Variants in GALNTL6 observed in about 807,000 individuals in gnomAD.
The protein encoded by GALNTL6 is polypeptide N-acetylgalactosaminyltransferase like 6, also known as polypeptide N-acetylgalactosaminyltransferase-like 6.
In GALNTL6, 46 loss-of-function variants were observed where a neutral mutation model predicts 73.7. That is an observed-to-expected ratio of 0.62 (90% CI 0.49 to 0.80). GALNTL6 has a LOEUF of 0.80. GALNTL6 is among the 30% of genes least tolerant of loss of function. The pLI, the probability that GALNTL6 is intolerant of heterozygous loss-of-function variation, is 0.00. For synonymous variants in GALNTL6, 259 were observed against 263.7 expected (o/e 0.98, Z 0.17); for missense variants, 604 against 755.0 (o/e 0.80, Z 2.34).
chr4:172,406,501 T>C (rs945653963), intron 5 of GALNTL6, among the ~76,000 whole-genome samples: 17 of 152,002 alleles, frequency 1.1e-4, no homozygotes, highest in Non-Finnish European at 2.5e-4. Context: ...ACTAATGGCT[T>C]TAGTCTATTA....
rs550620602 is a variant in GALNTL6 at position 172,921,432 on chromosome 4, T to C, written c.1042-9729T>C. On this transcript the variant is annotated intron_variant, in intron 8 of 12. Transcript: ENST00000506823. ...TCCAAATTTCAGGTTGTGGCTGATATAGAAAATTGTTTTAAAAATAAGACA... is the reference window on the plus strand; with the variant it reads ...TCCAAATTTCAGGTTGTGGCTGATACAGAAAATTGTTTTAAAAATAAGACA... 2.0e-5 allele frequency among the ~76,000 whole-genome samples: 3 copies of C among 152,308 alleles called. No homozygotes were observed. The South Asian group carries it at 6.2e-4, about 32-fold the overall frequency.
intron 7 of GALNTL6, among the ~76,000 whole-genome samples, chr4:172,868,608 A>T (rs1744775586): frequency 6.6e-6 from 1 of 152,168 alleles, no homozygotes; most frequent in Non-Finnish European, 1.5e-5. Context: ...TTATCTAGCT[A>T]TTTCACTGGT....
chr4:172,630,165 T>C (rs557826322), intron 5 of GALNTL6, among the ~76,000 whole-genome samples: 1 of 152,318 alleles, frequency 6.6e-6, no homozygotes, highest in South Asian at 2.1e-4. Context: ...TTCATTACTG[T>C]CAGTCTTCTG....
At chr4:171,880,712 A>G (rs1476840247) in intron 2 of GALNTL6, among the ~76,000 whole-genome samples, 1 of 152,194 alleles carries the variant, frequency 6.6e-6, no homozygotes, top group Non-Finnish European at 1.5e-5. Flanking sequence ...TTATTTACAG[A>G]ACTCAGTAAA....
chr4:172,023,202 G>A (rs915261501), intron 2 of GALNTL6, among the ~76,000 whole-genome samples: 3 of 151,690 alleles, frequency 2.0e-5, no homozygotes, highest in African/African-American at 7.3e-5. Context: ...TTGGTCAACT[G>A]TCCTCCTTCC....
intron 2 of GALNTL6, among the ~76,000 whole-genome samples, chr4:171,974,932 G>A (rs1739675975): frequency 1.3e-5 from 2 of 152,138 alleles, no homozygotes. Flanking sequence ...TACACTAATA[G>A]TCTCTCACGG....
chr4:172,287,898 TATAA>T (rs1383216441), intron 3 of GALNTL6, among the ~76,000 whole-genome samples: 1 of 152,078 alleles, frequency 6.6e-6, no homozygotes, highest in Non-Finnish European at 1.5e-5. Context: ...AATGAAAAAC[TATAA>T]ATAAATGAAA....
chr4:172,169,151 TGAA>T (rs1452775442), intron 2 of GALNTL6, among the ~76,000 whole-genome samples: 3 of 151,698 alleles, frequency 2.0e-5, no homozygotes, highest in Non-Finnish European at 2.9e-5. Flanking sequence ...CGTGTAGGAC[TGAA>T]GAAGTAAACA....
At position 172,170,709 on chromosome 4, in the gene GALNTL6, C is replaced by T. The variant is rs1734789493; in HGVS notation, c.139-58947C>T. Among the ~76,000 whole-genome samples, 3 of 151,988 alleles carry T rather than the reference C, an allele frequency of 2.0e-5. No homozygotes were observed. The South Asian group carries it at 6.2e-4, about 32-fold the overall frequency. On this transcript the variant is annotated intron_variant, in intron 2 of 12. Coordinates refer to ENST00000506823, the MANE Select transcript of GALNTL6 (RefSeq NM_001034845.3). ...TATTTTTTGTACAGAGGGGCTTGCA[C>T]CATGTTGGCCAGGCTGGTTTTGAAC...
chr4:172,896,336 C>G (rs1322362208), intron 8 of GALNTL6, among the ~76,000 whole-genome samples: 1 of 152,184 alleles, frequency 6.6e-6, no homozygotes, highest in Non-Finnish European at 1.5e-5. Context: ...ATCACTGCAG[C>G]CATTTCAGCA....
intron 8 of GALNTL6, among the ~76,000 whole-genome samples, chr4:172,896,044 G>A (rs556764034): frequency 2.6e-5 from 4 of 151,976 alleles, no homozygotes; most frequent in African/African-American, 9.7e-5. Context: ...CTTTAGGTTC[G>A]TTGACTTCCT....
At chr4:172,053,308 A>T (rs1028518218) in intron 2 of GALNTL6, among the ~76,000 whole-genome samples, 2 of 152,036 alleles carry the variant, frequency 1.3e-5, no homozygotes, top group Non-Finnish European at 2.9e-5. Context: ...AATACAGGGG[A>T]TCAACAGACC....
intron 5 of GALNTL6, among the ~76,000 whole-genome samples, chr4:172,800,769 A>G (rs1740595880): frequency 6.6e-6 from 1 of 152,174 alleles, no homozygotes; most frequent in Non-Finnish European, 1.5e-5. Flanking sequence ...CAGACCTCTG[A>G]GTTTTAACCA....
chr4:171,988,926 GAA>G (rs1740219825), intron 2 of GALNTL6, among the ~76,000 whole-genome samples: 6 of 151,828 alleles, frequency 4.0e-5, no homozygotes, highest in Admixed American at 3.3e-4. Context: ...TGAACTGGGG[GAA>G]AAGGTGGCAA....
At chr4:172,379,519 A>G (rs1300446796) in intron 5 of GALNTL6, among the ~76,000 whole-genome samples, 9 of 117,712 alleles carry the variant, frequency 7.6e-5, no homozygotes, top group Non-Finnish European at 1.7e-5. Context: ...CCTGGGCGAC[A>G]GAGCGAGACT....
chr4:172,661,402 A>G (rs1360949972), intron 5 of GALNTL6, among the ~76,000 whole-genome samples: 1 of 152,210 alleles, frequency 6.6e-6, no homozygotes, highest in Non-Finnish European at 1.5e-5. Flanking sequence ...AAGCTGTCTT[A>G]TATATATGCA....
chr4:173,010,493 C>T (rs1355352784), intron 11 of GALNTL6, among the ~76,000 whole-genome samples: 2 of 152,142 alleles, frequency 1.3e-5, no homozygotes. Flanking sequence ...GGTGTCTCCT[C>T]GATATACTGA....
chr4:171,946,075 G>A (rs1738694143), intron 2 of GALNTL6, among the ~76,000 whole-genome samples: 2 of 152,116 alleles, frequency 1.3e-5, no homozygotes. Flanking sequence ...ATACACATAA[G>A]CAGCTTAACA....
intron 5 of GALNTL6, among the ~76,000 whole-genome samples, chr4:172,755,354 A>G (rs1737696117): frequency 6.6e-6 from 1 of 152,084 alleles, no homozygotes; most frequent in African/African-American, 2.4e-5. Context: ...TCACTTGCCG[A>G]ATACCACTCA....
Sources: allele counts gnomAD v4.1 joint callset (sites outside exome capture counted in the v4.1 genomes callset), GRCh38; gene constraint gnomAD v4.1.1; transcripts MANE v1.5; gene names NCBI Gene and HGNC (gene_info 2026-07-23, HGNC 2026-07-21).